Variants in USP28 observed in about 807,000 individuals in gnomAD.
USP28 encodes ubiquitin carboxyl-terminal hydrolase 28.
USP28 carries 113 observed loss-of-function variants against 145.0 expected under a neutral mutation model. The observed-to-expected ratio is 0.78, with a 90% CI of 0.67 to 0.91. USP28 has a LOEUF of 0.91. Ranked by LOEUF, USP28 falls within the 40% of genes least tolerant of loss-of-function variation. The probability of loss-of-function intolerance (pLI) is 0.00; values close to 1 mark genes in which losing one functional copy is unlikely to be tolerated. For missense variants in USP28, 1,201 were observed against 1,289.6 expected, an observed-to-expected ratio of 0.93 and a Z score of 1.05; for synonymous variants, 447 against 450.9, an observed-to-expected ratio of 0.99 and a Z score of 0.11.
At chr11:113,861,710 T>G (rs189669543) in intron 1 of USP28, among the ~76,000 whole-genome samples, 1 of 152,332 alleles carries the variant, frequency 6.6e-6, no homozygotes, top group African/African-American at 2.4e-5. Flanking sequence ...TTCCCGAAAT[T>G]GTCTATGCAC....
intron 1 of USP28, among the ~76,000 whole-genome samples, chr11:113,870,448 G>C (rs1331143148): frequency 6.6e-6 from 1 of 152,214 alleles, no homozygotes; most frequent in African/African-American, 2.4e-5. Flanking sequence ...GATCGCTTGA[G>C]CCTAGGAGGT....
At chr11:113,832,596 T>C (rs1944128117) in intron 7 of USP28, among the ~76,000 whole-genome samples, 1 of 152,138 alleles carries the variant, frequency 6.6e-6, no homozygotes, top group South Asian at 2.1e-4. Context: ...ATCTTCCAAG[T>C]AGGACTTTTT....
At chr11:113,818,785 T>C (rs1350003016) in intron 12 of USP28, among the ~76,000 whole-genome samples, 2 of 151,566 alleles carry the variant, frequency 1.3e-5, no homozygotes, top group African/African-American at 4.8e-5. Flanking sequence ...CGCTTGAGCC[T>C]GGGAGGTTGA....
At chr11:113,829,686 G>A (rs571762250) in intron 9 of USP28, among the ~76,000 whole-genome samples, 7 of 152,148 alleles carry the variant, frequency 4.6e-5, no homozygotes, top group Admixed American at 3.3e-4. Context: ...TTATCCGGGT[G>A]CAGTAACACA....
chr11:113,821,255 A>T (rs2513566), intron 12 of USP28: 1 of 220,634 alleles, frequency 4.5e-6, no homozygotes, highest in South Asian at 8.4e-5. Context: ...CAGTGTGGCC[A>T]GGGGGAAGGA....
rs940268272 is a variant in USP28, at chr11:113,807,937, A to G, written c.2304+361T>C. 1.2e-5 allele frequency: 13 copies of G among 1,078,350 alleles called. No individual in the cohort carries two copies. The highest frequency in any genetic ancestry group is 1.6e-5 in the African/African-American group (1 of 61,638). The allele number at this position is 1,078,350 out of a possible 1,614,324, so 66.8% of individuals were successfully genotyped here. A position where few individuals can be genotyped will look rare whatever the true frequency, so the allele number is the denominator to read the frequency against. The stretch of plus-strand genomic sequence containing the variant: ...CTGACAACAAACAACTATATCCTGC[A>G]CTCATCTCTGTACCTCCTCATCATA... On this transcript the variant is annotated intron_variant, in intron 18 of 24. Coordinates refer to ENST00000003302, the Ensembl canonical transcript of USP28.
At chr11:113,835,429 C>G in intron 5 of USP28, 1 of 449,166 alleles carries the variant, frequency 2.2e-6, no homozygotes, top group Non-Finnish European at 4.5e-6. Context: ...ACCAAAGAAT[C>G]CAAGTGTCGG....
At chr11:113,827,211 A>G (rs762713230) in intron 11 of USP28, 22 bp downstream of exon 11, 2 of 1,588,832 alleles carry the variant, frequency 1.3e-6, no homozygotes, top group African/African-American at 1.4e-5. Flanking sequence ...TCAGGAAAAA[A>G]AAAAATCAGC....
At chr11:113,840,503 A>G (rs1945078652) in intron 5 of USP28, 95 bp downstream of exon 5, 1 of 1,454,910 alleles carries the variant, frequency 6.9e-7, no homozygotes, top group Non-Finnish European at 9.2e-7. Flanking sequence ...TTAAATATCT[A>G]TTTTAATCCT....
intron 24 of USP28, among the ~76,000 whole-genome samples, chr11:113,799,684 T>C (rs1444997063): frequency 6.6e-6 from 1 of 152,228 alleles, no homozygotes; most frequent in Non-Finnish European, 1.5e-5. Context: ...GAAGTAGATA[T>C]GATACTCTAG....
At chr11:113,804,715 C>T in exon 21 of USP28, 1 of 1,614,226 alleles carries the variant, frequency 6.2e-7, no homozygotes, top group Non-Finnish European at 8.5e-7. Context: ...CAATTTCCTT[C>T]AGTTTCGCTT....
intron 3 of USP28, among the ~76,000 whole-genome samples, chr11:113,847,686 C>T (rs1379588827): frequency 6.6e-6 from 1 of 152,084 alleles, no homozygotes; most frequent in Non-Finnish European, 1.5e-5. Flanking sequence ...ATAAACAGTC[C>T]TCTTTTAGAA....
At chr11:113,809,230 T>C in exon 17 of USP28, 1 of 1,614,178 alleles carries the variant, frequency 6.2e-7, no homozygotes, top group Non-Finnish European at 8.5e-7. Context: ...TTCTGACATT[T>C]GATCTGATTC....
At chr11:113,818,028 C>T (rs547701216) in intron 12 of USP28, 191 bp from the exon 13 acceptor site, 5 of 486,806 alleles carry the variant, frequency 1.0e-5, no homozygotes, top group Middle Eastern at 5.5e-4. Context: ...AAATTGCCAA[C>T]AATCTGAAGT....
At chr11:113,811,962 T>TA (rs1395281258) in intron 16 of USP28, among the ~76,000 whole-genome samples, 1 of 151,954 alleles carries the variant, frequency 6.6e-6, no homozygotes, top group Non-Finnish European at 1.5e-5. Flanking sequence ...AATGGAAAAA[T>TA]AATCTACTTG....
intron 4 of USP28, 37 bp downstream of exon 4, chr11:113,841,626 A>T: frequency 1.4e-6 from 2 of 1,436,196 alleles, no homozygotes; most frequent in Non-Finnish European, 1.9e-6. Context: ...GATACACACA[A>T]ATGTGGGGGG....
exon 25 of USP28, chr11:113,799,378 T>C: frequency 6.2e-7 from 1 of 1,614,108 alleles, no homozygotes; most frequent in Non-Finnish European, 8.5e-7. Context: ...GATCTAGAAG[T>C]CTGGGTAGAA....
chr11:113,855,714 C>T (rs1946975749), intron 1 of USP28, among the ~76,000 whole-genome samples: 1 of 152,054 alleles, frequency 6.6e-6, no homozygotes, highest in Non-Finnish European at 1.5e-5. Flanking sequence ...GTTGGGAGTT[C>T]GAGACCAGCC....
chr11:113,802,000 C>T (rs1022732555), intron 23 of USP28, among the ~76,000 whole-genome samples: 3 of 152,186 alleles, frequency 2.0e-5, no homozygotes, highest in Non-Finnish European at 4.4e-5. Context: ...TGTCTATCTC[C>T]TCTGAGCATC....
Sources: gnomAD v4.1 joint callset for allele counts (sites outside exome capture counted in the v4.1 genomes callset) on GRCh38, gnomAD v4.1.1 for gene constraint, MANE v1.5 for transcripts, NCBI Gene and HGNC (gene_info 2026-07-23, HGNC 2026-07-21) for gene names.